Variants in TNNI3K observed in about 807,000 individuals in gnomAD.
TNNI3K encodes the protein serine/threonine-protein kinase TNNI3K.
Under a neutral mutation model 114.5 loss-of-function variants are expected in TNNI3K, and 140 were observed. The ratio of observed to expected loss-of-function variants is 1.22; its 90% CI spans 1.07 to 1.41. The LOEUF (loss-of-function observed/expected upper bound fraction) is 1.41. TNNI3K is among the 40% of genes most tolerant of loss of function. The pLI is 0.00. For synonymous variants in TNNI3K, 347 were observed against 347.5 expected, an observed-to-expected ratio of 1.00 and a Z score of 0.02; for missense variants, 1,125 against 1,007.6, an observed-to-expected ratio of 1.12 and a Z score of -1.58.
chr1:74,466,967 G>T (rs1016052108), intron 21 of TNNI3K, among the ~76,000 whole-genome samples: 3 of 152,132 alleles, frequency 2.0e-5, no homozygotes, highest in African/African-American at 7.2e-5. Flanking sequence ...AACTGCCAAG[G>T]TTAAGAAAGA....
chr1:74,298,124 C>T (rs1255996766), intron 5 of TNNI3K, among the ~76,000 whole-genome samples: 2 of 152,160 alleles, frequency 1.3e-5, no homozygotes. Context: ...TTTACTTCCT[C>T]CACTATGGTT....
chr1:74,465,258 C>T (rs973633602), intron 21 of TNNI3K, among the ~76,000 whole-genome samples: 2 of 152,212 alleles, frequency 1.3e-5, no homozygotes, highest in African/African-American at 4.8e-5. Flanking sequence ...CCCACTCCCT[C>T]AGCTTGCGGG....
In TNNI3K at chr1:74,331,242, G is replaced by T. The variant is rs539494038; in HGVS notation, c.445-208G>T. On this transcript the variant is annotated intron_variant, in intron 5 of 24. Coordinates refer to ENST00000326637, the MANE Select transcript of TNNI3K (RefSeq NM_015978.3). ...TTAAAACAAACACTGTCAGATTGAA[G>T]GGACCTTGAATGTCATACTAAGGAA... Among the ~76,000 whole-genome samples the T allele has an allele frequency of 6.6e-5, 10 of 152,296 alleles. No homozygotes were observed. In the South Asian group the frequency reaches 8.3e-4, roughly 13 times the overall value.
chr1:74,251,952 T>C (rs931813350), intron 4 of TNNI3K, among the ~76,000 whole-genome samples: 1 of 152,210 alleles, frequency 6.6e-6, no homozygotes, highest in Non-Finnish European at 1.5e-5. Context: ...TGCTAAACTA[T>C]GAAACATTCT....
intron 17 of TNNI3K, among the ~76,000 whole-genome samples, chr1:74,394,910 G>C (rs1663995883): frequency 6.6e-6 from 1 of 152,044 alleles, no homozygotes; most frequent in Admixed American, 6.5e-5. Context: ...CAGGCATGGT[G>C]GCGGGCACCT....
chr1:74,250,474 G>T (rs1020674515), intron 3 of TNNI3K, among the ~76,000 whole-genome samples, 198 bp from the exon 4 acceptor site: 8 of 152,142 alleles, frequency 5.3e-5, no homozygotes, highest in Non-Finnish European at 1.2e-4. Context: ...CACAGCATTT[G>T]AATAAAGTTT....
chr1:74,271,297 A>G (rs1656331232), intron 4 of TNNI3K, among the ~76,000 whole-genome samples: 2 of 151,848 alleles, frequency 1.3e-5, no homozygotes, highest in African/African-American at 4.8e-5. Flanking sequence ...CATTGGAGTA[A>G]CCTACCTGTA....
chr1:74,491,995 A>G (rs1434845043), intron 22 of TNNI3K, 102 bp from the exon 23 acceptor site: 4 of 1,367,482 alleles, frequency 2.9e-6, no homozygotes, highest in Non-Finnish European at 3.8e-6. Context: ...AGAAATTAAA[A>G]TATGGGAAAC....
chr1:74,439,693 T>A (rs1666293185), intron 20 of TNNI3K, 71 bp downstream of exon 20: 5 of 1,583,972 alleles, frequency 3.2e-6, no homozygotes, highest in Non-Finnish European at 4.3e-6. Flanking sequence ...TCAAGAAAAT[T>A]TTTTTTCACA....
intron 18 of TNNI3K, 103 bp downstream of exon 18, chr1:74,436,235 A>G (rs769971677): frequency 5.0e-5 from 72 of 1,436,484 alleles, no homozygotes; most frequent in Middle Eastern, 3.6e-4. Flanking sequence ...ACTGACAGCT[A>G]TACTACACTG....
At chr1:74,487,091 G>A (rs1668805530) in intron 21 of TNNI3K, among the ~76,000 whole-genome samples, 1 of 152,208 alleles carries the variant, frequency 6.6e-6, no homozygotes, top group Non-Finnish European at 1.5e-5. Context: ...CAATGGAACA[G>A]TAGCTTGAAG....
At chr1:74,507,403 T>C (rs1669963350) in intron 23 of TNNI3K, among the ~76,000 whole-genome samples, 1 of 152,186 alleles carries the variant, frequency 6.6e-6, no homozygotes, top group South Asian at 2.1e-4. Context: ...ATTGTAATTA[T>C]TGATGTCTTT....
intron 2 of TNNI3K, among the ~76,000 whole-genome samples, chr1:74,242,559 T>G (rs1029373633): frequency 3.3e-5 from 5 of 152,160 alleles, no homozygotes; most frequent in Non-Finnish European, 7.4e-5. Context: ...GTCAAACTAC[T>G]AAGTAGGATA....
At chr1:74,417,028 TA>T in intron 17 of TNNI3K, among the ~76,000 whole-genome samples, 1 of 152,088 alleles carries the variant, frequency 6.6e-6, no homozygotes, top group East Asian at 1.9e-4. Flanking sequence ...ACTGAATGTT[TA>T]AAAGATATCT....
chr1:74,253,559 A>G (rs964884548), intron 4 of TNNI3K, among the ~76,000 whole-genome samples: 6 of 152,000 alleles, frequency 3.9e-5, no homozygotes, highest in Non-Finnish European at 8.8e-5. Context: ...GGGGACCCGG[A>G]GCACCCTCCG....
chr1:74,293,806 A>T (rs72673237), intron 5 of TNNI3K, among the ~76,000 whole-genome samples: 2,950 of 151,870 alleles, frequency 0.019, 46 homozygotes, highest in Middle Eastern at 0.034. Flanking sequence ...GAGTTTCTAT[A>T]ATTTTGTGAT....
chr1:74,262,022 G>A (rs1037212977), intron 4 of TNNI3K, among the ~76,000 whole-genome samples: 6 of 151,996 alleles, frequency 3.9e-5, no homozygotes, highest in African/African-American at 1.2e-4. Flanking sequence ...GTGGCGATTC[G>A]TAGCCTGAAT....
intron 10 of TNNI3K, 54 bp from the exon 11 acceptor site, chr1:74,353,926 G>A: frequency 3.2e-6 from 5 of 1,561,738 alleles, no homozygotes; most frequent in Non-Finnish European, 4.3e-6. Flanking sequence ...TTGAAAATTG[G>A]GGAGCAGTTT....
At position 74,242,495 on chromosome 1, in the gene TNNI3K, A is replaced by T. The variant is rs778934696; in HGVS notation, c.149+6285A>T. Among the ~76,000 whole-genome samples the T allele has an allele frequency of 1.4e-4, 22 of 152,284 alleles. No individual in the cohort carries two copies. In the Middle Eastern group the frequency reaches 0.014, roughly 94 times the overall value. On this transcript the variant is annotated intron_variant, in intron 2 of 24. Transcript: ENST00000326637. ...ATGAAATTTGGCTATTATAAGATGA[A>T]TAGCACTGGAAACTTTTCAAGCTGA...
Sources: gnomAD v4.1 joint callset for allele counts (sites outside exome capture counted in the v4.1 genomes callset) on GRCh38, gnomAD v4.1.1 for gene constraint, MANE v1.5 for transcripts, NCBI Gene and HGNC (gene_info 2026-07-23, HGNC 2026-07-21) for gene names.